The following SLAIN2 variants were observed in gnomAD, a reference collection of about 807,000 sequenced individuals.
The protein encoded by SLAIN2 is SLAIN family member 2, also known as SLAIN motif-containing protein 2.
A neutral mutation model predicts 56.6 loss-of-function variants in SLAIN2; 31 were observed. The ratio of observed to expected loss-of-function variants is 0.55; its 90% CI spans 0.41 to 0.74. SLAIN2 has a LOEUF of 0.74. SLAIN2 is among the 30% of genes least tolerant of loss of function. SLAIN2 has a pLI of 0.00. For synonymous variants in SLAIN2, 317 were observed against 284.9 expected, an observed-to-expected ratio of 1.11 and a Z score of -1.13; for missense variants, 777 against 754.2, an observed-to-expected ratio of 1.03 and a Z score of -0.35.
At chr4:48,342,213 C>A (rs917276699) in intron 1 of SLAIN2, 85 bp downstream of exon 1, 113 of 1,318,578 alleles carry the variant, frequency 8.6e-5, no homozygotes, top group Non-Finnish European at 1.1e-4. Context: ...TGGTCGGGCG[C>A]CTCGCTTTGT....
At chr4:48,369,329 A>T (rs1268870577) in intron 1 of SLAIN2, among the ~76,000 whole-genome samples, 1 of 152,190 alleles carries the variant, frequency 6.6e-6, no homozygotes, top group Non-Finnish European at 1.5e-5. Flanking sequence ...TTAGTAATTG[A>T]TTCACATTTA....
intron 6 of SLAIN2, among the ~76,000 whole-genome samples, chr4:48,405,169 A>T (rs567210114): frequency 2.6e-4 from 40 of 152,316 alleles, no homozygotes; most frequent in African/African-American, 9.6e-4. Context: ...ATTAATTCTT[A>T]TACGGCAAAC....
intron 6 of SLAIN2, among the ~76,000 whole-genome samples, chr4:48,393,861 T>A (rs1235473666): frequency 6.6e-6 from 1 of 152,088 alleles, no homozygotes; most frequent in Admixed American, 6.6e-5. Flanking sequence ...TTCAGTGCAG[T>A]TAATAGATTA....
intron 6 of SLAIN2, among the ~76,000 whole-genome samples, chr4:48,390,013 T>G (rs1716194783): frequency 6.6e-6 from 1 of 152,068 alleles, no homozygotes; most frequent in Non-Finnish European, 1.5e-5. Flanking sequence ...GAAATTAAGA[T>G]CTGAAGACAC....
In SLAIN2 at chr4:48,342,007, G is replaced by C. The variant is rs769514517; in HGVS notation, c.268G>C (p.Glu90Gln). The C allele has an allele frequency of 7.0e-7, 1 of 1,420,086 alleles. No homozygotes were observed. Among genetic ancestry groups the C allele is most frequent in the Non-Finnish European group, 9.2e-7 (1 of 1,091,968 alleles). 88.0% of individuals were successfully genotyped at this position (1,420,086 alleles called of 1,614,324 possible). A position where few individuals can be genotyped will look rare whatever the true frequency, so the allele number is the denominator to read the frequency against. Residue 90 changes from glutamate to glutamine, a missense_variant, in exon 1 of 8, where the codon GAG becomes CAG. By Grantham distance (29) the Glu-to-Gln change is conservative (BLOSUM62 2). Coordinates refer to ENST00000264313, the MANE Select transcript of SLAIN2 (RefSeq NM_020846.2). The part of the protein sequence containing the change: ...GSGPRRTSSE[E>Q]LRDATSLLAA... ...GGGCCCGAGGCGGACGAGTAGCGAA[G>C]AGCTGCGGGACGCCACCTCCTTGCT...
intron 6 of SLAIN2, among the ~76,000 whole-genome samples, chr4:48,400,203 G>A (rs935166089): frequency 6.6e-6 from 1 of 152,032 alleles, no homozygotes; most frequent in African/African-American, 2.4e-5. Context: ...TTTATTCAGG[G>A]ATTCAGTTTC....
intron 6 of SLAIN2, chr4:48,394,706 T>C: frequency 1.4e-6 from 2 of 1,462,340 alleles, no homozygotes; most frequent in Middle Eastern, 1.7e-4. Flanking sequence ...TCTAGTTAAA[T>C]CTTAAGCCAT....
chr4:48,414,348 G>C (rs1208736097), intron 6 of SLAIN2, among the ~76,000 whole-genome samples: 1 of 152,176 alleles, frequency 6.6e-6, no homozygotes, highest in Non-Finnish European at 1.5e-5. Flanking sequence ...GGAAATTCAT[G>C]TGTAGCAGAC....
chr4:48,371,142 G>C (rs1159409465), intron 2 of SLAIN2, among the ~76,000 whole-genome samples: 4 of 142,826 alleles, frequency 2.8e-5, no homozygotes, highest in African/African-American at 7.8e-5. Flanking sequence ...GTCTCACTCT[G>C]TTGCCCAGGC....
At chr4:48,360,602 TA>T (rs540500036) in intron 1 of SLAIN2, among the ~76,000 whole-genome samples, 13 of 151,914 alleles carry the variant, frequency 8.6e-5, no homozygotes, top group East Asian at 1.9e-4. Context: ...CAAAAAAAAT[TA>T]AAAAAAACAT....
intron 6 of SLAIN2, among the ~76,000 whole-genome samples, chr4:48,393,950 A>G (rs1560461164): frequency 6.6e-6 from 1 of 152,116 alleles, no homozygotes; most frequent in Non-Finnish European, 1.5e-5. Flanking sequence ...AAACCCCTCA[A>G]CCCACACCAG....
chr4:48,341,973 G>A lies in SLAIN2; in HGVS notation c.234G>A (p.Gly78=), dbSNP rs1714719036. 2 of 1,436,274 alleles carry A rather than the reference G, an allele frequency of 1.4e-6. No individual in the cohort carries two copies. The highest frequency in any genetic ancestry group is 3.0e-5 in the East Asian group (1 of 33,556). 89.0% of individuals were successfully genotyped at this position (1,436,274 alleles called of 1,614,324 possible). A position where few individuals can be genotyped will look rare whatever the true frequency, so the allele number is the denominator to read the frequency against. The change falls in exon 1 of 8, where the codon GGG becomes GGA. Residue 78 remains glycine (G), a synonymous_variant. Coordinates refer to ENST00000264313, the MANE Select transcript of SLAIN2 (RefSeq NM_020846.2). ...PLGLSAKSGG[G]PGSGPRRTSS... is the part of the protein sequence containing the mutation. ...GCCTCAGCGCCAAGTCGGGCGGCGGGCCCGGGTCGGGCCCGAGGCGGACGA... is the reference window on the plus strand; with the variant it reads ...GCCTCAGCGCCAAGTCGGGCGGCGGACCCGGGTCGGGCCCGAGGCGGACGA...
chr4:48,355,003 G>A (rs1448082916), intron 1 of SLAIN2, among the ~76,000 whole-genome samples: 3 of 151,974 alleles, frequency 2.0e-5, no homozygotes, highest in Middle Eastern at 3.4e-3. Context: ...GATTTCAAGC[G>A]ATTCTCCTGC....
intron 6 of SLAIN2, among the ~76,000 whole-genome samples, chr4:48,400,495 G>T (rs994312414): frequency 6.9e-6 from 1 of 145,830 alleles, no homozygotes; most frequent in Non-Finnish European, 1.5e-5. Context: ...TGCTTCCTGG[G>T]TTCAAACAGT....
intron 6 of SLAIN2, among the ~76,000 whole-genome samples, chr4:48,387,124 C>T (rs116610944): frequency 0.015 from 2,269 of 152,180 alleles, 39 homozygotes; most frequent in African/African-American, 0.05. Context: ...TACCTCGTCC[C>T]CTCATACATG....
At position 48,379,842 on chromosome 4, in the gene SLAIN2, G is replaced by A; in HGVS notation, c.856G>A (p.Glu286Lys). The stretch of plus-strand genomic sequence containing the variant: ...TGTACAGATTCTAGCCCGGATGCAG[G>A]AAGAAAGTAAGTATTCTAATTGTTA... ...TDVQILARMQ[E>K]ESLRQEYAAT... is the part of the protein sequence containing the mutation. Residue 286 changes from glutamate to lysine, a missense_variant, in exon 4 of 8, where the codon GAA (glutamate) becomes AAA (lysine). Physicochemically the swap from Glu to Lys is moderately conservative, Grantham distance 56 (BLOSUM62 1). Transcript: ENST00000264313. The A allele has an allele frequency of 6.5e-7, 1 of 1,547,038 alleles. No homozygotes were observed. The highest frequency in any genetic ancestry group is 8.7e-7 in the Non-Finnish European group (1 of 1,153,314).
At chr4:48,347,451 G>GT (rs1714899625) in intron 1 of SLAIN2, among the ~76,000 whole-genome samples, 1 of 151,670 alleles carries the variant, frequency 6.6e-6, no homozygotes, top group African/African-American at 2.4e-5. Flanking sequence ...GTCTCACTAT[G>GT]TTGCCCAGGC....
intron 6 of SLAIN2, among the ~76,000 whole-genome samples, chr4:48,384,932 A>G (rs1234626491): frequency 1.3e-5 from 2 of 152,220 alleles, no homozygotes; most frequent in Non-Finnish European, 2.9e-5. Context: ...TAAAAACAAT[A>G]ATGATACTAG....
intron 6 of SLAIN2, among the ~76,000 whole-genome samples, chr4:48,409,470 A>C (rs76630166): frequency 0.021 from 3,173 of 152,310 alleles, 115 homozygotes; most frequent in African/African-American, 0.072. Context: ...GTTAAGTGAC[A>C]CATAACTGTA....
Sources: allele counts gnomAD v4.1 joint callset (sites outside exome capture counted in the v4.1 genomes callset), GRCh38; gene constraint gnomAD v4.1.1; transcripts MANE v1.5; gene names NCBI Gene and HGNC (gene_info 2026-07-23, HGNC 2026-07-21).